ZHX2: variants seen among roughly 807,000 people sequenced by gnomAD.
The protein encoded by ZHX2 is zinc fingers and homeoboxes protein 2.
Under a neutral mutation model 21.9 loss-of-function variants are expected in ZHX2, and 6 were observed. That is an observed-to-expected ratio of 0.27 (90% CI 0.15 to 0.54). ZHX2 has a LOEUF of 0.54. Ranked by LOEUF, ZHX2 falls within the 20% of genes least tolerant of loss-of-function variation. The pLI is 0.95. For missense variants in ZHX2, 908 were observed against 1,090.7 expected, an observed-to-expected ratio of 0.83 and a Z score of 2.36; for synonymous variants, 434 against 437.1, an observed-to-expected ratio of 0.99 and a Z score of 0.09.
chr8:122,912,070 A>G (rs527865258), intron 2 of ZHX2, among the ~76,000 whole-genome samples: 4 of 152,186 alleles, frequency 2.6e-5, no homozygotes, highest in South Asian at 2.1e-4. Flanking sequence ...TGGTGGCCTG[A>G]AAGACTTTCC....
chr8:122,788,851 G>A (rs189941202), intron 1 of ZHX2, among the ~76,000 whole-genome samples: 54 of 152,316 alleles, frequency 3.5e-4, no homozygotes, highest in Admixed American at 3.4e-3. Flanking sequence ...GTGTGTGCAC[G>A]TGTGCGTATG....
chr8:122,910,604 G>T (rs545207194), intron 2 of ZHX2, among the ~76,000 whole-genome samples: 1 of 152,272 alleles, frequency 6.6e-6, no homozygotes, highest in African/African-American at 2.4e-5. Context: ...GCTTGTTGTG[G>T]CATTTTTTAT....
In ZHX2 at chr8:122,953,060, G is replaced by A. The variant is rs150960774; in HGVS notation, c.1550G>A (p.Arg517Gln). Residue 517 changes from arginine (R) to glutamine (Q), a missense_variant, in exon 3 of 4, where the codon CGA (arginine) becomes CAA (glutamine). This residue lies in a region of ZHX2 where 431 missense variants were observed against 428.6 expected (regional missense o/e 1.01). Transcript: ENST00000314393. This position sits in a 1 kb window ranked among gnomAD's most constrained non-coding sequence, Gnocchi z 4.6. ...GACCAGTTGGCCATCGCGGCCTCCC[G>A]ACACGGTCGCACGTATCATGCGTAC... Reference protein sequence around the residue: ...AKDQLAIAASRHGRTYHAYPD... With the variant: ...AKDQLAIAASQHGRTYHAYPD... 141 of 1,613,868 alleles carry A rather than the reference G, an allele frequency of 8.7e-5. No individual in the cohort carries two copies. Among genetic ancestry groups the A allele is most frequent in the Admixed American group, 1.2e-4 (7 of 59,988 alleles).
At chr8:122,827,712 A>C (rs1467230499) in intron 1 of ZHX2, among the ~76,000 whole-genome samples, 2 of 152,272 alleles carry the variant, frequency 1.3e-5, no homozygotes, top group African/African-American at 4.8e-5. Context: ...GGGATTCTCA[A>C]GGTCGGCAGC....
chr8:122,863,283 T>C (rs1199647417), intron 1 of ZHX2, 194 bp from the exon 2 acceptor site: 1 of 151,852 alleles, frequency 6.6e-6, no homozygotes, highest in Non-Finnish European at 1.5e-5. Flanking sequence ...TTTTTCTTTT[T>C]TTCTTTCTCA....
At chr8:122,870,655 AAAAAAAAAAAAG>A (rs1261115893) in intron 2 of ZHX2, among the ~76,000 whole-genome samples, 4 of 144,798 alleles carry the variant, frequency 2.8e-5, no homozygotes, top group Admixed American at 6.7e-5. Context: ...AAAAAAAAAA[AAAAAAAAAAAAG>A]AAAGAGAAAG....
At chr8:122,850,725 G>T (rs1466244258) in intron 1 of ZHX2, among the ~76,000 whole-genome samples, 2 of 149,912 alleles carry the variant, frequency 1.3e-5, no homozygotes, top group African/African-American at 2.5e-5. Context: ...TTCATCTCTT[G>T]CCCCCCAACA....
At position 122,951,420 on chromosome 8, in the gene ZHX2, C is replaced by T; in HGVS notation, c.-91C>T. 1 of 1,197,704 alleles carries T rather than the reference C, an allele frequency of 8.3e-7. No individual in the cohort carries two copies. Among genetic ancestry groups the T allele is most frequent in the South Asian group, 1.6e-5 (1 of 63,800 alleles). 74.2% of individuals were successfully genotyped at this position (1,197,704 alleles called of 1,614,324 possible). A position where few individuals can be genotyped will look rare whatever the true frequency, so the allele number is the denominator to read the frequency against. ...CAAAGCCATTTGAGGGGGAATAAAG[C>T]CAAAAGCCTTTCACCTTATTCGTTC... On this transcript the variant is annotated 5_prime_UTR_variant, in exon 3 of 4. Coordinates refer to ENST00000314393, the MANE Select transcript of ZHX2 (RefSeq NM_014943.5).
In ZHX2 at chr8:122,782,418, A is replaced by ACGGGGCAGGTCG. The variant is rs1231503729; in HGVS notation, c.-283+483_-283+484insGCGGGGCAGGTC. 6.6e-6 allele frequency among the ~76,000 whole-genome samples: 1 copy of ACGGGGCAGGTCG among 151,952 alleles called. No individual in the cohort carries two copies. The highest frequency in any genetic ancestry group is 1.5e-5 in the Non-Finnish European group (1 of 67,964). On this transcript the variant is annotated intron_variant, in intron 1 of 3. Transcript: ENST00000314393. The surrounding 1 kb of genome is among the most constrained non-coding windows in gnomAD (Gnocchi z 5.3). ...GGCCAAACTGCGGCGCTTTGTGCAA[A>ACGGGGCAGGTCG]CGGGGCAGGTCCCGCGGGGACTCCA... is the stretch of plus-strand genomic sequence containing the variant.
At chr8:122,912,412 G>T (rs1320422915) in intron 2 of ZHX2, among the ~76,000 whole-genome samples, 1 of 152,202 alleles carries the variant, frequency 6.6e-6, no homozygotes, top group Non-Finnish European at 1.5e-5. Context: ...CATCATGTAG[G>T]CTGCTCTATG....
intron 2 of ZHX2, among the ~76,000 whole-genome samples, chr8:122,866,969 T>G (rs1340376076): frequency 6.7e-6 from 1 of 150,134 alleles, no homozygotes; most frequent in Non-Finnish European, 1.5e-5. Flanking sequence ...GGATTACAGG[T>G]GCCTGCCACC....
At chr8:122,888,631 C>G (rs1054535241) in intron 2 of ZHX2, among the ~76,000 whole-genome samples, 3 of 152,096 alleles carry the variant, frequency 2.0e-5, no homozygotes, top group African/African-American at 7.2e-5. Context: ...TACAGGTATA[C>G]GCTGCCACAT....
At chr8:122,916,065 C>G (rs570185727) in intron 2 of ZHX2, among the ~76,000 whole-genome samples, 9 of 152,344 alleles carry the variant, frequency 5.9e-5, no homozygotes, top group African/African-American at 1.9e-4. Context: ...GGCCTCTTGC[C>G]TCAGTGGGTT....
intron 2 of ZHX2, among the ~76,000 whole-genome samples, chr8:122,892,863 T>C (rs1390817989): frequency 1.3e-5 from 2 of 152,110 alleles, no homozygotes; most frequent in Admixed American, 6.5e-5. Flanking sequence ...TTTTTGTATT[T>C]TTAGTAGAGA....
intron 3 of ZHX2, among the ~76,000 whole-genome samples, chr8:122,967,596 G>T (rs1327751294): frequency 6.6e-6 from 1 of 152,220 alleles, no homozygotes; most frequent in African/African-American, 2.4e-5. Context: ...TTGTAGTTTT[G>T]TTTAGTGCAG....
intron 2 of ZHX2, among the ~76,000 whole-genome samples, chr8:122,864,756 G>C (rs1409668833): frequency 6.6e-6 from 1 of 152,184 alleles, no homozygotes; most frequent in Non-Finnish European, 1.5e-5. Context: ...ACATACTCCA[G>C]TGGCCAAAAC....
intron 3 of ZHX2, among the ~76,000 whole-genome samples, chr8:122,971,288 C>CAT (rs975185574): frequency 7.3e-6 from 1 of 136,840 alleles, no homozygotes; most frequent in Non-Finnish European, 1.6e-5. Flanking sequence ...CCTGAGCTTC[C>CAT]TTTTTTTTTT....
Position 122,951,469 on chromosome 8 carries a change from T to G in ZHX2, c.-42T>G. 531 of 1,331,874 alleles carry G rather than the reference T, an allele frequency of 4.0e-4. No individual in the cohort carries two copies. Among genetic ancestry groups the G allele is most frequent in the Non-Finnish European group, 5.1e-4 (477 of 943,010 alleles). 82.5% of individuals were successfully genotyped at this position (1,331,874 alleles called of 1,614,324 possible). On this transcript the variant is annotated 5_prime_UTR_variant, in exon 3 of 4. Transcript: ENST00000314393. ...TCCAAGAATCTCACCGCCCCCTCCT[T>G]ATCCCCCTCCAAAAATAAGCCATTG...
intron 3 of ZHX2, among the ~76,000 whole-genome samples, chr8:122,959,717 CAAGAGA>C (rs981503981): frequency 1.3e-5 from 2 of 152,150 alleles, no homozygotes; most frequent in Non-Finnish European, 2.9e-5. Context: ...ATGAAAAGCT[CAAGAGA>C]AAGGCCTGTT....
Sources: gnomAD v4.1 joint callset for allele counts (sites outside exome capture counted in the v4.1 genomes callset) on GRCh38, gnomAD v4.1.1 for gene constraint, gnomAD v4.1.1 regional missense constraint, Gnocchi (gnomAD v3.1) non-coding constraint, MANE v1.5 for transcripts, NCBI Gene and HGNC (gene_info 2026-07-23, HGNC 2026-07-21) for gene names.